PLOD2: variants seen among roughly 807,000 people sequenced by gnomAD.
The protein encoded by PLOD2 is lysine hydroxylase 2.
In PLOD2, 65 loss-of-function variants were observed where a neutral mutation model predicts 101.0. The ratio of observed to expected loss-of-function variants is 0.64; its 90% CI spans 0.53 to 0.79. PLOD2 has a LOEUF of 0.79. Among genes scored for constraint, PLOD2 ranks in the 30% least tolerant of loss-of-function variants. The pLI is 0.00. For missense variants in PLOD2, 909 were observed against 914.6 expected, an observed-to-expected ratio of 0.99 and a Z score of 0.08; for synonymous variants, 314 against 302.9, an observed-to-expected ratio of 1.04 and a Z score of -0.38.
Position 146,102,792 on chromosome 3 carries a change from G to A in PLOD2, c.740C>T (p.Thr247Ile), listed in dbSNP as rs1937434280. 3.1e-6 allele frequency: 5 copies of A among 1,605,592 alleles called. No individual in the cohort carries two copies. The African/African-American group carries it at 4.0e-5, about 13-fold the overall frequency. ...ATTTCCATTAATTGCCACTGGTAAT[G>A]TTTCATAAAATGTATTCTTAGCTCT... Reference protein sequence around the residue: ...KARAKNTFYETLPVAINGNGP... With the variant: ...KARAKNTFYEILPVAINGNGP... Residue 247 changes from threonine to isoleucine, a missense_variant, in exon 7 of 20, where the codon ACA becomes ATA. Physicochemically the swap from Thr to Ile is moderately conservative, Grantham distance 89. Coordinates refer to ENST00000282903, the MANE Select transcript of PLOD2 (RefSeq NM_182943.3).
At chr3:146,142,405 GT>G (rs1256753181) in intron 1 of PLOD2, among the ~76,000 whole-genome samples, 1 of 152,004 alleles carries the variant, frequency 6.6e-6, no homozygotes, top group African/African-American at 2.4e-5. Flanking sequence ...TCTCTCTACT[GT>G]TTTTTCCATC....
At chr3:146,152,438 C>A (rs976119078) in intron 1 of PLOD2, among the ~76,000 whole-genome samples, 2 of 151,992 alleles carry the variant, frequency 1.3e-5, no homozygotes, top group Non-Finnish European at 2.9e-5. Context: ...AAAATTCTAT[C>A]TAGTGAAGAA....
In PLOD2 at chr3:146,091,896, G is replaced by A. The variant is rs922005838; in HGVS notation, c.783C>T (p.Leu261=). 4.5e-6 allele frequency: 7 copies of A among 1,544,642 alleles called. No individual in the cohort carries two copies. The highest frequency in any genetic ancestry group is 2.7e-5 in the African/African-American group (2 of 73,556). ...GTACATAGTTTCCAAAATAATTCAG[G>A]AGAATCTTGTAAATGAAGGAAAAGG... The part of the protein sequence containing the change: ...AINGNGPTKI[L]LNYFGNYVPN... The change falls in exon 8 of 20, where the codon CTC becomes CTT. Residue 261 remains leucine, a synonymous_variant. Coordinates refer to ENST00000282903, the MANE Select transcript of PLOD2 (RefSeq NM_182943.3).
intron 13 of PLOD2, 96 bp from the exon 14 acceptor site, chr3:146,078,020 G>A (rs1936405983): frequency 1.3e-6 from 1 of 789,068 alleles, no homozygotes; most frequent in African/African-American, 1.7e-5. Context: ...TTGATCAAAA[G>A]CTAACATTCT....
intron 5 of PLOD2, among the ~76,000 whole-genome samples, chr3:146,104,773 A>G (rs978644283): frequency 1.3e-5 from 2 of 152,212 alleles, no homozygotes; most frequent in African/African-American, 2.4e-5. Flanking sequence ...ATTGTACCCA[A>G]CATTCCCTCA....
At chr3:146,123,262 T>C (rs2108095724) in intron 2 of PLOD2, 1 of 1,119,438 alleles carries the variant, frequency 8.9e-7, no homozygotes, top group Non-Finnish European at 1.1e-6. Context: ...TTTGTGTTCC[T>C]ACCTAGGTAT....
chr3:146,104,346 A>G lies in PLOD2; in HGVS notation c.616-4T>C. ...CCAATGTGATGTTAATAGCTTCCTA[A>G]AACATAAGAATAGAAATGATATTGA... On this transcript the variant is annotated splice_region_variant and splice_polypyrimidine_tract_variant and intron_variant, in intron 5 of 19. Transcript: ENST00000282903. The G allele has an allele frequency of 7.0e-7, 1 of 1,435,420 alleles. No homozygotes were observed. The highest frequency in any genetic ancestry group is 9.8e-7 in the Non-Finnish European group (1 of 1,017,336). 88.9% of individuals were successfully genotyped at this position (1,435,420 alleles called of 1,614,324 possible).
intron 1 of PLOD2, among the ~76,000 whole-genome samples, chr3:146,141,803 C>A (rs951228122): frequency 3.3e-5 from 5 of 151,924 alleles, no homozygotes; most frequent in Non-Finnish European, 7.4e-5. Flanking sequence ...AATAATTCCA[C>A]AAACAATTTA....
intron 1 of PLOD2, among the ~76,000 whole-genome samples, chr3:146,138,631 G>A (rs576492076): frequency 6.6e-6 from 1 of 152,250 alleles, no homozygotes; most frequent in South Asian, 2.1e-4. Context: ...ATGGCCAGAA[G>A]AGACTATGCA....
rs1409320082 is a variant in PLOD2, at chr3:146,085,404, A to C, written c.1128-131T>G. The stretch of plus-strand genomic sequence containing the variant: ...ATACTTTTCTGATCAAAATAGTGGA[A>C]CAATATCTGAAACGATATATATATT... On this transcript the variant is annotated intron_variant, in intron 10 of 19. Coordinates refer to ENST00000282903, the MANE Select transcript of PLOD2 (RefSeq NM_182943.3). The C allele has an allele frequency of 1.9e-5, 13 of 667,404 alleles. No homozygotes were observed. The East Asian group carries it at 3.6e-4, about 18-fold the overall frequency. The allele number at this position is 667,404 out of a possible 1,614,324, so 41.3% of individuals were successfully genotyped here.
At chr3:146,160,762 G>A in intron 1 of PLOD2, 119 bp downstream of exon 1, 3 of 693,830 alleles carry the variant, frequency 4.3e-6, no homozygotes, top group Admixed American at 2.1e-5. Context: ...CGGTCCTGGA[G>A]AGGAGGGACA....
At position 146,091,333 on chromosome 3, in the gene PLOD2, C is replaced by T. The variant is rs371162806; in HGVS notation, c.879+467G>A. Among the ~76,000 whole-genome samples, 388 of 151,956 alleles carry T rather than the reference C, an allele frequency of 2.6e-3. 1 individual carries two copies. Among genetic ancestry groups the T allele is most frequent in the South Asian group, 0.011 (53 of 4,820 alleles). ...CTGTAAAACTGAGTCAATTGTACTA[C>T]CTATTTTAGGAGTTTTGTGAAGTTT... On this transcript the variant is annotated intron_variant, in intron 8 of 19. Coordinates refer to ENST00000282903, the MANE Select transcript of PLOD2 (RefSeq NM_182943.3).
intron 1 of PLOD2, among the ~76,000 whole-genome samples, chr3:146,158,500 A>T (rs1422970215): frequency 6.6e-6 from 1 of 152,194 alleles, no homozygotes; most frequent in Non-Finnish European, 1.5e-5. Context: ...ATTCCCAACT[A>T]CAGTGGGTAA....
chr3:146,099,790 C>T (rs1389971053), intron 7 of PLOD2, among the ~76,000 whole-genome samples: 3 of 151,630 alleles, frequency 2.0e-5, no homozygotes, highest in Non-Finnish European at 4.4e-5. Flanking sequence ...CTGGCACTGA[C>T]AGTATCACAG....
chr3:146,099,300 T>C (rs1273365267), intron 7 of PLOD2, among the ~76,000 whole-genome samples: 1 of 152,164 alleles, frequency 6.6e-6, no homozygotes, highest in Non-Finnish European at 1.5e-5. Context: ...GTCAGCATCA[T>C]CCTGGAAATT....
chr3:146,121,974 T>C (rs745953827), intron 2 of PLOD2, among the ~76,000 whole-genome samples: 8 of 152,164 alleles, frequency 5.3e-5, no homozygotes, highest in South Asian at 2.1e-4. Context: ...CACACACCTT[T>C]TCTCTTCATT....
chr3:146,094,500 T>C (rs1253737456), intron 7 of PLOD2, among the ~76,000 whole-genome samples: 2 of 151,774 alleles, frequency 1.3e-5, no homozygotes, highest in Non-Finnish European at 2.9e-5. Flanking sequence ...ACAAAGAAAA[T>C]AAAATACCTA....
chr3:146,084,656 T>C (rs1211770623), intron 11 of PLOD2, among the ~76,000 whole-genome samples: 3 of 152,126 alleles, frequency 2.0e-5, no homozygotes, highest in Admixed American at 6.5e-5. Context: ...CTGATATACA[T>C]GGTGTCTTTT....
chr3:146,108,359 A>AT (rs1559852928), intron 4 of PLOD2, among the ~76,000 whole-genome samples: 1 of 151,970 alleles, frequency 6.6e-6, no homozygotes, highest in Non-Finnish European at 1.5e-5. Flanking sequence ...TTAAAAAAAA[A>AT]TTTTAGTAGA....
Sources: gnomAD v4.1 joint callset for allele counts (sites outside exome capture counted in the v4.1 genomes callset) on GRCh38, gnomAD v4.1.1 for gene constraint, MANE v1.5 for transcripts, NCBI Gene and HGNC (gene_info 2026-07-23, HGNC 2026-07-21) for gene names.